Variants in CNIH3 observed in about 807,000 individuals in gnomAD.
CNIH3 encodes protein cornichon homolog 3.
A neutral mutation model predicts 24.1 loss-of-function variants in CNIH3; 14 were observed. The ratio of observed to expected loss-of-function variants is 0.58; its 90% CI spans 0.38 to 0.91. The LOEUF is 0.91. Among genes scored for constraint, CNIH3 ranks in the 40% least tolerant of loss-of-function variants. The pLI, the probability that CNIH3 is intolerant of heterozygous loss-of-function variation, is 0.00. For missense variants in CNIH3, 178 were observed against 196.8 expected (o/e 0.90, Z 0.57); for synonymous variants, 68 against 73.8 (o/e 0.92, Z 0.40).
At chr1:224,578,042 T>C (rs1380445399) in intron 4 of CNIH3, among the ~76,000 whole-genome samples, 2 of 151,984 alleles carry the variant, frequency 1.3e-5, no homozygotes, top group African/African-American at 4.8e-5. Context: ...AGGCAAAGGA[T>C]AAAAAACTGC....
At chr1:224,615,281 T>A (rs1318615041), upstream of CNIH3, 1 of 152,044 alleles carries the variant, frequency 6.6e-6, no homozygotes, top group Non-Finnish European at 1.5e-5. Context: ...GATTTGCCAG[T>A]CGTCTTTCAG....
intron 1 of CNIH3, among the ~76,000 whole-genome samples, chr1:224,452,881 G>A (rs980810593): frequency 6.6e-6 from 1 of 151,798 alleles, no homozygotes; most frequent in African/African-American, 2.4e-5. Flanking sequence ...AGCACTTTGG[G>A]AGGCTGAGGC....
At chr1:224,710,959 C>T (rs942750325) in intron 3 of CNIH3, among the ~76,000 whole-genome samples, 1 of 152,164 alleles carries the variant, frequency 6.6e-6, no homozygotes, top group Admixed American at 6.5e-5. Context: ...CTGTAGTCTT[C>T]CTGAGGGCCA....
intron 1 of CNIH3, among the ~76,000 whole-genome samples, chr1:224,452,781 CAA>C (rs1173499027): frequency 3.8e-4 from 17 of 44,274 alleles, no homozygotes; most frequent in Admixed American, 8.7e-4. Flanking sequence ...AACTCTGTCT[CAA>C]AAAAAAAAAA....
At chr1:224,657,220 A>T (rs1685139517) in intron 1 of CNIH3, among the ~76,000 whole-genome samples, 1 of 152,172 alleles carries the variant, frequency 6.6e-6, no homozygotes, top group African/African-American at 2.4e-5. Context: ...TCTAGGCCAG[A>T]CAGGAATGGA....
At chr1:224,605,138 A>C (rs190521354) in intron 3 of CNIH3, among the ~76,000 whole-genome samples, 273 of 152,330 alleles carry the variant, frequency 1.8e-3, no homozygotes, top group Non-Finnish European at 3.0e-3. Context: ...AAGGGTGGGG[A>C]TCAATCAGAG....
intron 3 of CNIH3, among the ~76,000 whole-genome samples, chr1:224,689,796 T>G (rs1686841669): frequency 6.6e-6 from 1 of 152,222 alleles, no homozygotes; most frequent in Non-Finnish European, 1.5e-5. Context: ...GAAAATGTGT[T>G]CTTTGGGTAA....
chr1:224,643,734 T>G (rs1166182603), intron 1 of CNIH3, among the ~76,000 whole-genome samples: 2 of 151,834 alleles, frequency 1.3e-5, no homozygotes, highest in Non-Finnish European at 2.9e-5. Context: ...AGAACGAGAG[T>G]CCTTCTAGTA....
chr1:224,665,905 T>C (rs2125123260), intron 1 of CNIH3, among the ~76,000 whole-genome samples: 1 of 151,762 alleles, frequency 6.6e-6, no homozygotes, highest in East Asian at 1.9e-4. Flanking sequence ...TCAGGTGAGG[T>C]GCAAACAATC....
intron 2 of CNIH3, among the ~76,000 whole-genome samples, chr1:224,531,019 C>T (rs531395730): frequency 1.7e-4 from 26 of 152,246 alleles, no homozygotes; most frequent in African/African-American, 6.0e-4. Flanking sequence ...AGCAGACTTC[C>T]TAGGCATGGA....
Position 224,732,369 on chromosome 1 carries a change from C to T in CNIH3, c.311+1795C>T, listed in dbSNP as rs531160762. ...GATTTAGGGAGGAAGGAAAAAGATT[C>T]GGTTACATCGAGAAGCCTCACTTTA... On this transcript the variant is annotated intron_variant, in intron 4 of 5. Transcript: ENST00000272133. 4.6e-5 allele frequency among the ~76,000 whole-genome samples: 7 copies of T among 152,244 alleles called. No homozygotes were observed. The South Asian group carries it at 8.3e-4, about 18-fold the overall frequency.
At chr1:224,700,971 A>C (rs1389651572) in intron 3 of CNIH3, among the ~76,000 whole-genome samples, 1 of 152,154 alleles carries the variant, frequency 6.6e-6, no homozygotes, top group Non-Finnish European at 1.5e-5. Flanking sequence ...ATTTTTGTTT[A>C]TGGGATGTCC....
chr1:224,702,433 C>T (rs759854265), intron 3 of CNIH3, among the ~76,000 whole-genome samples: 1 of 152,174 alleles, frequency 6.6e-6, no homozygotes, highest in Non-Finnish European at 1.5e-5. Flanking sequence ...TCAGACAGGT[C>T]AAAGCAGATG....
At chr1:224,435,079 C>G (rs1674587956) in intron 1 of CNIH3, 1 of 985,674 alleles carries the variant, frequency 1.0e-6, no homozygotes, top group South Asian at 4.7e-5. Context: ...CCCTCCGAAG[C>G]CGGGCGTGCA....
chr1:224,633,308 A>G (rs764506714), intron 1 of CNIH3, among the ~76,000 whole-genome samples: 1 of 151,930 alleles, frequency 6.6e-6, no homozygotes, highest in African/African-American at 2.4e-5. Flanking sequence ...ACAGGCACCC[A>G]CCACCACGCC....
At chr1:224,505,240 A>G (rs1349672030) in intron 1 of CNIH3, among the ~76,000 whole-genome samples, 3 of 151,720 alleles carry the variant, frequency 2.0e-5, no homozygotes, top group Admixed American at 2.0e-4. Context: ...TCAAGGCTTC[A>G]GTGAGCTGTG....
intron 1 of CNIH3, among the ~76,000 whole-genome samples, chr1:224,658,340 AT>A (rs961492732): frequency 3.8e-4 from 56 of 145,820 alleles, no homozygotes; most frequent in Admixed American, 4.8e-4. Flanking sequence ...TAATTTTTAT[AT>A]TTTTTTTTTT....
intron 4 of CNIH3, among the ~76,000 whole-genome samples, chr1:224,580,099 C>T (rs568172785): frequency 1.3e-5 from 2 of 152,240 alleles, no homozygotes; most frequent in South Asian, 4.2e-4. Context: ...TGACATTTTA[C>T]CCCAATAAGA....
intron 1 of CNIH3, among the ~76,000 whole-genome samples, chr1:224,457,098 C>T (rs1265335820): frequency 6.6e-6 from 1 of 152,178 alleles, no homozygotes; most frequent in Non-Finnish European, 1.5e-5. Context: ...TCGAATGTTT[C>T]TAGGTCAGCA....
Sources: gnomAD v4.1 joint callset for allele counts (sites outside exome capture counted in the v4.1 genomes callset) on GRCh38, gnomAD v4.1.1 for gene constraint, MANE v1.5 for transcripts, NCBI Gene and HGNC (gene_info 2026-07-23, HGNC 2026-07-21) for gene names.